CYB5A: variants seen among roughly 807,000 people sequenced by gnomAD.
CYB5A encodes the protein cytochrome b5 type A.
A neutral mutation model predicts 16.2 loss-of-function variants in CYB5A; 10 were observed. That is an observed-to-expected ratio of 0.62 (90% CI 0.38 to 1.04). The LOEUF (loss-of-function observed/expected upper bound fraction) is 1.04. Among genes scored for constraint, CYB5A ranks in the 50% least tolerant of loss-of-function variants. The pLI, the probability that CYB5A is intolerant of heterozygous loss-of-function variation, is 0.01. For synonymous variants in CYB5A, 62 were observed against 57.0 expected (o/e 1.09, Z -0.40); for missense variants, 161 against 165.9 (o/e 0.97, Z 0.16).
At chr18:74,268,639 G>A (rs961958727) in intron 1 of CYB5A, among the ~76,000 whole-genome samples, 1 of 152,142 alleles carries the variant, frequency 6.6e-6, no homozygotes, top group Non-Finnish European at 1.5e-5. Context: ...GGTAGGGTGG[G>A]GGCAGCTGCA....
intron 1 of CYB5A, among the ~76,000 whole-genome samples, chr18:74,276,717 G>T (rs1304844205): frequency 6.6e-6 from 1 of 152,114 alleles, no homozygotes; most frequent in Non-Finnish European, 1.5e-5. Context: ...CGAACCCAGG[G>T]GAATGAACGC....
intron 4 of CYB5A, 132 bp downstream of exon 4, chr18:74,255,609 C>G: frequency 1.3e-6 from 1 of 774,950 alleles, no homozygotes; most frequent in Non-Finnish European, 2.3e-6. Flanking sequence ...AACAGTCTGG[C>G]CTTCAGCAGA....
intron 1 of CYB5A, among the ~76,000 whole-genome samples, chr18:74,289,621 C>T (rs576274151): frequency 6.6e-6 from 1 of 152,016 alleles, no homozygotes; most frequent in South Asian, 2.1e-4. Flanking sequence ...ATTAAAAATA[C>T]AAAAATTAGC....
chr18:74,257,746 G>A (rs960365584), intron 3 of CYB5A: 1 of 152,202 alleles, frequency 6.6e-6, no homozygotes, highest in African/African-American at 2.4e-5. Context: ...GTGAAACCCT[G>A]TCTCTACAGA....
chr18:74,269,228 C>T (rs536444672), intron 1 of CYB5A, among the ~76,000 whole-genome samples: 1 of 152,146 alleles, frequency 6.6e-6, no homozygotes, highest in African/African-American at 2.4e-5. Context: ...CATAAAAGTT[C>T]GCAGCAGAAT....
intron 1 of CYB5A, among the ~76,000 whole-genome samples, chr18:74,278,221 T>A (rs1982957932): frequency 6.6e-6 from 1 of 152,054 alleles, no homozygotes; most frequent in African/African-American, 2.4e-5. Context: ...CCACGCCAAG[T>A]CTCCTGACCA....
chr18:74,291,586 C>T (rs1374036184), intron 1 of CYB5A, among the ~76,000 whole-genome samples, 161 bp downstream of exon 1: 2 of 147,876 alleles, frequency 1.4e-5, no homozygotes, highest in African/African-American at 5.0e-5. Context: ...GGTGTGCGGA[C>T]TCGGAAGCGC....
At chr18:74,282,399 G>A (rs1599265764) in intron 1 of CYB5A, among the ~76,000 whole-genome samples, 1 of 152,086 alleles carries the variant, frequency 6.6e-6, no homozygotes. Flanking sequence ...TATGCACTGT[G>A]TATGGAAAAA....
chr18:74,291,663 G>A, intron 1 of CYB5A, 84 bp downstream of exon 1: 5 of 1,595,882 alleles, frequency 3.1e-6, no homozygotes, highest in South Asian at 2.2e-5. Flanking sequence ...TGCGGACTCC[G>A]GGCCGCGAAA....
chr18:74,257,010 A>T (rs1982012005), intron 3 of CYB5A: 3 of 609,492 alleles, frequency 4.9e-6, no homozygotes, highest in Non-Finnish European at 8.7e-6. Flanking sequence ...AAATTAACAA[A>T]AATTACTAGA....
At chr18:74,263,696 C>G (rs1216726889) in intron 1 of CYB5A, among the ~76,000 whole-genome samples, 2 of 152,136 alleles carry the variant, frequency 1.3e-5, no homozygotes, top group Non-Finnish European at 2.9e-5. Context: ...ATCACTTGGG[C>G]CCAAGTTCAA....
At position 74,267,360 on chromosome 18, in the gene CYB5A, T is replaced by C. The variant is rs571724238; in HGVS notation, c.130-3883A>G. ...TTAGTAGAGACGGGATTTCACCAGA[T>C]TGGTCAGGCTGGTCTTGAACTCCTG... On this transcript the variant is annotated intron_variant, in intron 1 of 4. Transcript: ENST00000340533. Among the ~76,000 whole-genome samples the C allele has an allele frequency of 4.9e-4, 75 of 152,336 alleles. 2 individuals are homozygous for C. The South Asian group carries it at 0.015, about 30-fold the overall frequency.
rs572877584 is a variant in CYB5A at position 74,266,213 on chromosome 18, T to C, written c.130-2736A>G. Among the ~76,000 whole-genome samples, 10 of 152,342 alleles carry C rather than the reference T, an allele frequency of 6.6e-5. No homozygotes were observed. The East Asian group carries it at 1.2e-3, about 18-fold the overall frequency. On this transcript the variant is annotated intron_variant, in intron 1 of 4. Coordinates refer to ENST00000340533, the MANE Select transcript of CYB5A (RefSeq NM_148923.4). The stretch of plus-strand genomic sequence containing the variant: ...AGCAATAAAAACATGGTTTTGTTGA[T>C]TCCAGAAAAGTCTGCTTAAGGTTGG...
rs185104250 is a variant in CYB5A, at chr18:74,283,457, T to G, written c.129+8290A>C. On this transcript the variant is annotated intron_variant, in intron 1 of 4. Coordinates refer to ENST00000340533, the MANE Select transcript of CYB5A (RefSeq NM_148923.4). Reference sequence around the variant, plus strand: ...AAGACTCCACCCCGACTCCCTCTATTTAAAAATTCCTCTACAAGAAACAGG... The same window carrying G: ...AAGACTCCACCCCGACTCCCTCTATGTAAAAATTCCTCTACAAGAAACAGG... Among the ~76,000 whole-genome samples the G allele has an allele frequency of 7.9e-5, 12 of 152,302 alleles. No individual in the cohort carries two copies. The East Asian group carries it at 2.3e-3, about 29-fold the overall frequency.
intron 1 of CYB5A, among the ~76,000 whole-genome samples, chr18:74,267,361 T>A (rs1487152340): frequency 6.6e-6 from 1 of 152,212 alleles, no homozygotes; most frequent in Non-Finnish European, 1.5e-5. Flanking sequence ...TTCACCAGAT[T>A]GGTCAGGCTG....
rs59600245 is a variant in CYB5A, at chr18:74,264,210, CA to C, written c.130-734del. On this transcript the variant is annotated intron_variant, in intron 1 of 4. Transcript: ENST00000340533. ...TAGGCAACAAAGTGAGACTCTGTCT[CA>C]AAAAAAAAAAAAAAAGAGAGCGAGA... Among the ~76,000 whole-genome samples, 767 of 144,058 alleles carry C rather than the reference CA, an allele frequency of 5.3e-3. 6 individuals are homozygous for C. Among genetic ancestry groups the C allele is most frequent in the African/African-American group, 0.019 (726 of 38,834 alleles). The allele number at this position is 144,058 out of a possible 152,430, so 94.5% of individuals were successfully genotyped here. A position where few individuals can be genotyped will look rare whatever the true frequency, so the allele number is the denominator to read the frequency against.
intron 1 of CYB5A, among the ~76,000 whole-genome samples, chr18:74,275,158 A>C (rs1982821124): frequency 6.6e-6 from 1 of 152,202 alleles, no homozygotes; most frequent in African/African-American, 2.4e-5. Flanking sequence ...TGAACAAATC[A>C]GGTGAGGGGG....
chr18:74,257,955 T>C (rs1982052675), intron 3 of CYB5A: 1 of 152,218 alleles, frequency 6.6e-6, no homozygotes, highest in South Asian at 2.1e-4. Context: ...TAATGACTTA[T>C]AAAAGTCATG....
At chr18:74,253,939 G>A (rs1219776251) in intron 4 of CYB5A, among the ~76,000 whole-genome samples, 3 of 152,228 alleles carry the variant, frequency 2.0e-5, no homozygotes, top group African/African-American at 7.2e-5. Context: ...AGCACTTTGG[G>A]AGGCCAAGGC....
Sources: gnomAD v4.1 joint callset for allele counts (sites outside exome capture counted in the v4.1 genomes callset) on GRCh38, gnomAD v4.1.1 for gene constraint, MANE v1.5 for transcripts, NCBI Gene and HGNC (gene_info 2026-07-23, HGNC 2026-07-21) for gene names.